The following TCP11L2 variants were observed in gnomAD, a reference collection of about 807,000 sequenced individuals.
The protein encoded by TCP11L2 is t-complex 11 like 2, also known as T-complex protein 11-like protein 2.
Under a neutral mutation model 50.7 loss-of-function variants are expected in TCP11L2, and 39 were observed. The observed-to-expected ratio is 0.77, with a 90% CI of 0.60 to 1.01. TCP11L2 has a LOEUF of 1.01. TCP11L2 is among the 50% of genes least tolerant of loss of function. The pLI is 0.00. For synonymous variants in TCP11L2, 192 were observed against 219.3 expected (o/e 0.88, Z 1.10); for missense variants, 612 against 614.7 (o/e 1.00, Z 0.05).
At chr12:106,312,256 CATTT>C (rs764322076) in intron 2 of TCP11L2, 3,868 of 313,328 alleles carry the variant, frequency 0.012, 42 homozygotes, top group Non-Finnish European at 0.015. Context: ...ATTTAGTTTC[CATTT>C]TTTTTTTTTT....
chr12:106,337,408 C>T (rs1358046457), intron 8 of TCP11L2, among the ~76,000 whole-genome samples: 1 of 152,226 alleles, frequency 6.6e-6, no homozygotes, highest in East Asian at 1.9e-4. Context: ...TCTGACCTTT[C>T]TCCTGATTCT....
intron 4 of TCP11L2, 32 bp from the exon 5 acceptor site, chr12:106,321,454 G>A: frequency 6.5e-7 from 1 of 1,548,906 alleles, no homozygotes. Flanking sequence ...TTCACATCAT[G>A]ATGCTGTTAA....
At position 106,335,973 on chromosome 12, in the gene TCP11L2, T is replaced by C. The variant is rs1051135476; in HGVS notation, c.961-59T>C. 5.3e-6 allele frequency: 8 copies of C among 1,511,136 alleles called. No homozygotes were observed. The African/African-American group carries it at 1.0e-4, about 19-fold the overall frequency. 93.6% of individuals were successfully genotyped at this position (1,511,136 alleles called of 1,614,324 possible). On this transcript the variant is annotated intron_variant, in intron 7 of 9. Coordinates refer to ENST00000299045, the MANE Select transcript of TCP11L2 (RefSeq NM_152772.3). ...AATTTGGAAATGACATTGCCTGTTT[T>C]GTATTTTCATGCTATTGAGCTACCC... is the stretch of plus-strand genomic sequence containing the variant.
chr12:106,324,244 G>T (rs1181050875), intron 6 of TCP11L2: 1 of 152,192 alleles, frequency 6.6e-6, no homozygotes, highest in Non-Finnish European at 1.5e-5. Context: ...TTTGAGTAAA[G>T]TTTGCAAAGA....
chr12:106,344,643 T>C (rs2036181200), intron 9 of TCP11L2, among the ~76,000 whole-genome samples: 1 of 152,230 alleles, frequency 6.6e-6, no homozygotes, highest in Non-Finnish European at 1.5e-5. Context: ...GTGAGCATTC[T>C]TTGGTGATAA....
intron 3 of TCP11L2, among the ~76,000 whole-genome samples, chr12:106,316,709 G>A (rs2035098378): frequency 2.6e-5 from 4 of 151,750 alleles, no homozygotes; most frequent in African/African-American, 9.7e-5. Flanking sequence ...TGTATTTTTT[G>A]CCTTTTTGTC....
Position 106,340,900 on chromosome 12 carries a change from A to G in TCP11L2, c.1217A>G (p.Glu406Gly), listed in dbSNP as rs769642002. Reference sequence around the variant, plus strand: ...GTTGAGGTTAACAAGACCCTGATGGAAAGAGGTTTACCCACTTTAAATGCT... The same window carrying G: ...GTTGAGGTTAACAAGACCCTGATGGGAAGAGGTTTACCCACTTTAAATGCT... Reference protein sequence around the residue: ...TCVEVNKTLMERGLPTLNAEI... With the variant: ...TCVEVNKTLMGRGLPTLNAEI... Residue 406 changes from glutamate to glycine, a missense_variant, in exon 9 of 10, where the codon GAA becomes GGA. Physicochemically the swap from Glu to Gly is moderately conservative, Grantham distance 98. Transcript: ENST00000299045. 1.2e-5 allele frequency: 19 copies of G among 1,613,502 alleles called. No individual in the cohort carries two copies. In the African/African-American group the frequency reaches 2.4e-4, roughly 20 times the overall value.
chr12:106,325,908 A>AAC (rs1555203597), intron 6 of TCP11L2: 3 of 151,528 alleles, frequency 2.0e-5, no homozygotes, highest in East Asian at 1.9e-4. Flanking sequence ...AAAAAAAAAA[A>AAC]AAAAACCCAC....
intron 6 of TCP11L2, among the ~76,000 whole-genome samples, chr12:106,334,011 A>G (rs1294977813): frequency 1.3e-5 from 2 of 152,190 alleles, no homozygotes; most frequent in East Asian, 3.8e-4. Context: ...AAGATGGTCT[A>G]GTGAGATTGA....
intron 8 of TCP11L2, among the ~76,000 whole-genome samples, chr12:106,340,618 AT>A (rs1292196560): frequency 6.6e-6 from 1 of 152,202 alleles, no homozygotes; most frequent in Non-Finnish European, 1.5e-5. Flanking sequence ...CTGCTACACA[AT>A]TTAATGATTT....
chr12:106,312,440 T>G, intron 2 of TCP11L2: 1 of 1,204,208 alleles, frequency 8.3e-7, no homozygotes, highest in Non-Finnish European at 1.0e-6. Flanking sequence ...CCCAGGTTTC[T>G]GTGCCTTTTC....
chr12:106,340,945 T>C lies in TCP11L2; in HGVS notation c.1262T>C (p.Ile421Thr), dbSNP rs1317072363. Reference sequence around the variant, plus strand: ...AATGCTGAGATTCAAGCTAATCTTATAGGTCAATTTTCAAGCATTGAAGAG... The same window carrying C: ...AATGCTGAGATTCAAGCTAATCTTACAGGTCAATTTTCAAGCATTGAAGAG... ...TLNAEIQANL[I>T]GQFSSIEEED... The change falls in exon 9 of 10, where the codon ATA (isoleucine) becomes ACA (threonine). Residue 421 changes from isoleucine (I) to threonine (T), a missense_variant. Transcript: ENST00000299045. 1.9e-6 allele frequency: 3 copies of C among 1,613,574 alleles called. No homozygotes were observed. Among genetic ancestry groups the C allele is most frequent in the Middle Eastern group, 1.7e-4 (1 of 6,056 alleles).
intron 1 of TCP11L2, among the ~76,000 whole-genome samples, chr12:106,304,851 T>C (rs933041719): frequency 6.6e-6 from 1 of 152,170 alleles, no homozygotes; most frequent in African/African-American, 2.4e-5. Context: ...AAAGAATGGC[T>C]CCCTCCTAGA....
Position 106,311,128 on chromosome 12 carries a change from C to A in TCP11L2, c.53C>A (p.Ser18Tyr), listed in dbSNP as rs1183956199. The A allele has an allele frequency of 8.1e-6, 13 of 1,614,116 alleles. No homozygotes were observed. The highest frequency in any genetic ancestry group is 1.1e-5 in the Non-Finnish European group (13 of 1,180,056). ...GTGGGAGAGGACCAGCCAAGCGATT[C>A]TGATTCTTCCCGGTTTTCCGAAAGC... The part of the protein sequence containing the change: ...QCVGEDQPSD[S>Y]DSSRFSESMA... Residue 18 changes from serine (S) to tyrosine (Y), a missense_variant, in exon 2 of 10, where the codon TCT (serine) becomes TAT (tyrosine). Ser to Tyr is a moderately radical substitution (Grantham distance 144). Coordinates refer to ENST00000299045, the MANE Select transcript of TCP11L2 (RefSeq NM_152772.3).
intron 3 of TCP11L2, 60 bp from the exon 4 acceptor site, chr12:106,318,284 C>A: frequency 6.4e-7 from 1 of 1,565,272 alleles, no homozygotes; most frequent in South Asian, 1.2e-5. Flanking sequence ...GAGGATGTTT[C>A]TTTTATAATC....
chr12:106,323,387 C>T, intron 5 of TCP11L2, 123 bp from the exon 6 acceptor site: 1 of 770,412 alleles, frequency 1.3e-6, no homozygotes, highest in East Asian at 3.1e-5. Flanking sequence ...TACCAAATGG[C>T]AATTGGAACT....
At chr12:106,345,400 GTGGTCCCCCTTGCCATGTGGTAATT>G (rs1217287380) in intron 9 of TCP11L2, among the ~76,000 whole-genome samples, 2 of 152,198 alleles carry the variant, frequency 1.3e-5, no homozygotes, top group African/African-American at 4.8e-5. Flanking sequence ...ACCTAGATGT[GTGGTCCCCCTTGCCATGTGGTAATT>G]TGGGCCCCCA....
chr12:106,344,233 GC>G (rs1359756942), intron 9 of TCP11L2, among the ~76,000 whole-genome samples: 1 of 152,016 alleles, frequency 6.6e-6, no homozygotes, highest in Non-Finnish European at 1.5e-5. Flanking sequence ...TCCCCTGGCT[GC>G]CACGGTTTTC....
At chr12:106,333,577 A>C (rs573233606) in intron 6 of TCP11L2, among the ~76,000 whole-genome samples, 1 of 152,326 alleles carries the variant, frequency 6.6e-6, no homozygotes, top group South Asian at 2.1e-4. Context: ...AGAATAGCCA[A>C]AACTCACCAA....
Sources: gnomAD v4.1 joint callset for allele counts (sites outside exome capture counted in the v4.1 genomes callset) on GRCh38, gnomAD v4.1.1 for gene constraint, MANE v1.5 for transcripts, NCBI Gene and HGNC (gene_info 2026-07-23, HGNC 2026-07-21) for gene names.